The following SNTA1 variants were observed in gnomAD, a reference collection of about 807,000 sequenced individuals.
SNTA1 encodes the protein alpha-1-syntrophin.
Under a neutral mutation model 47.1 loss-of-function variants are expected in SNTA1, and 31 were observed. The observed-to-expected ratio is 0.66, with a 90% CI of 0.49 to 0.89. The LOEUF (loss-of-function observed/expected upper bound fraction) is 0.89, where lower values mean the gene tolerates loss of function less well. Ranked by LOEUF, SNTA1 falls within the 40% of genes least tolerant of loss-of-function variation. The pLI, the probability that SNTA1 is intolerant of heterozygous loss-of-function variation, is 0.00. For synonymous variants in SNTA1, 300 were observed against 313.6 expected, an observed-to-expected ratio of 0.96 and a Z score of 0.46; for missense variants, 575 against 693.0, an observed-to-expected ratio of 0.83 and a Z score of 1.91.
At position 33,412,798 on chromosome 20, in the gene SNTA1, G is replaced by T. The variant is rs1474994197; in HGVS notation, c.702-16C>A. On this transcript the variant is annotated splice_polypyrimidine_tract_variant and intron_variant, in intron 3 of 7. Transcript: ENST00000217381. ...CTCCAGATACCTGCAGGCACAAATG[G>T]GTGGAGACAAGGACCTGACCATTAG... 2.5e-6 allele frequency: 4 copies of T among 1,577,926 alleles called. No homozygotes were observed. The highest frequency in any genetic ancestry group is 3.5e-6 in the Non-Finnish European group (4 of 1,157,396).
Position 33,439,144 on chromosome 20 carries a change from G to A in SNTA1, c.311-118C>T, listed in dbSNP as rs554504263. The stretch of plus-strand genomic sequence containing the variant: ...GGTGCCTAGCCCAGTGCTGGAAAAG[G>A]CAATGGGAGAATAAAGGGAATCTGA... On this transcript the variant is annotated intron_variant, in intron 1 of 7. Transcript: ENST00000217381. The A allele has an allele frequency of 3.5e-5, 32 of 905,444 alleles. No homozygotes were observed. In the African/African-American group the frequency reaches 4.7e-4, roughly 13 times the overall value. The allele number at this position is 905,444 out of a possible 1,614,324, so 56.1% of individuals were successfully genotyped here.
intron 2 of SNTA1, among the ~76,000 whole-genome samples, chr20:33,429,364 A>T (rs995074981): frequency 4.8e-5 from 7 of 145,928 alleles, no homozygotes; most frequent in African/African-American, 1.8e-4. Context: ...AAAAAAAAAA[A>T]AATTGGGTCA....
At chr20:33,409,641 AT>A (rs553264334) in intron 6 of SNTA1, among the ~76,000 whole-genome samples, 138 of 141,254 alleles carry the variant, frequency 9.8e-4, no homozygotes, top group Admixed American at 1.8e-3. Context: ...TTGTATTATT[AT>A]TTTTTTTTTT....
Position 33,417,835 on chromosome 20 carries a change from A to C in SNTA1, c.585T>G (p.Leu195=), listed in dbSNP as rs763954259. ...VGWDSPPASP[L]QRQPSSPGPT... The stretch of plus-strand genomic sequence containing the variant: ...GGCCAGGGGAGGAAGGCTGCCGCTG[A>C]AGGGGTGAGGCAGGAGGTGAGTCCC... Residue 195 remains leucine, a synonymous_variant, in exon 3 of 8, where the codon CTT becomes CTG. Coordinates refer to ENST00000217381, the MANE Select transcript of SNTA1 (RefSeq NM_003098.3). The C allele has an allele frequency of 1.9e-6, 3 of 1,613,932 alleles. No individual in the cohort carries two copies. Among genetic ancestry groups the C allele is most frequent in the South Asian group, 1.1e-5 (1 of 91,074 alleles).
Position 33,429,334 on chromosome 20 carries a change from T to TAA in SNTA1, c.496+9505_496+9506dup, listed in dbSNP as rs35077145. Among the ~76,000 whole-genome samples the TAA allele has an allele frequency of 5.0e-3, 126 of 25,112 alleles. 2 individuals carry two copies. Among genetic ancestry groups the TAA allele is most frequent in the East Asian group, 0.026 (21 of 822 alleles). The allele number at this position is 25,112 out of a possible 152,430, so 16.5% of individuals were successfully genotyped here. On this transcript the variant is annotated intron_variant, in intron 2 of 7. Transcript: ENST00000217381. ...CTGGGTAACACAGTAAGACTCCACC[T>TAA]AAAAAAAAAAAAAAAAAAAAAAAAA...
chr20:33,438,371 C>A (rs1021528499), intron 2 of SNTA1, among the ~76,000 whole-genome samples: 13 of 152,176 alleles, frequency 8.5e-5, no homozygotes, highest in Admixed American at 5.2e-4. Context: ...TTTTAAGGCC[C>A]AGGCACTAAA....
chr20:33,412,125 C>T (rs1989753506), intron 5 of SNTA1, among the ~76,000 whole-genome samples, 171 bp downstream of exon 5: 1 of 152,226 alleles, frequency 6.6e-6, no homozygotes, highest in African/African-American at 2.4e-5. Flanking sequence ...TTGTTCCAAG[C>T]ACCCATTTTA....
In SNTA1 at chr20:33,415,071, T is replaced by A. The variant is rs565168945; in HGVS notation, c.702-2289A>T. Among the ~76,000 whole-genome samples, 40 of 152,288 alleles carry A rather than the reference T, an allele frequency of 2.6e-4. No individual in the cohort carries two copies. In the South Asian group the frequency reaches 4.8e-3, roughly 18 times the overall value. ...GGGCCATATGGAACCCCAGTTATAT[T>A]GAGGTTACCTATGTAGGTACTCAGG... On this transcript the variant is annotated intron_variant, in intron 3 of 7. Transcript: ENST00000217381.
chr20:33,443,262 G>C (rs1316392182), intron 1 of SNTA1, 49 bp downstream of exon 1: 4 of 1,417,962 alleles, frequency 2.8e-6, no homozygotes, highest in Non-Finnish European at 3.7e-6. Context: ...CTGCGCCCTC[G>C]GCTGCCCCCA....
chr20:33,434,142 G>C (rs562755359), intron 2 of SNTA1, among the ~76,000 whole-genome samples: 1 of 152,070 alleles, frequency 6.6e-6, no homozygotes, highest in Non-Finnish European at 1.5e-5. Context: ...ATTCAACTCC[G>C]GGGAAACCTA....
At chr20:33,427,452 T>C (rs568222761) in intron 2 of SNTA1, among the ~76,000 whole-genome samples, 34 of 152,254 alleles carry the variant, frequency 2.2e-4, no homozygotes, top group Non-Finnish European at 3.7e-4. Flanking sequence ...GGGATGACCT[T>C]TAAGGTCTTG....
chr20:33,414,255 A>AAAAAAAAAAAAAAAAAAAAAAAG (rs1989819238), intron 3 of SNTA1, among the ~76,000 whole-genome samples: 1 of 137,240 alleles, frequency 7.3e-6, no homozygotes, highest in African/African-American at 2.9e-5. Context: ...CAAAAAAAAA[A>AAAAAAAAAAAAAAAAAAAAAAAG]AAAAAAAAAA....
intron 2 of SNTA1, among the ~76,000 whole-genome samples, chr20:33,422,822 G>A (rs2146781944): frequency 6.6e-6 from 1 of 152,246 alleles, no homozygotes; most frequent in East Asian, 1.9e-4. Flanking sequence ...GAATGCCAGG[G>A]CAGGACAGGC....
At chr20:33,419,855 T>G (rs907812680) in intron 2 of SNTA1, among the ~76,000 whole-genome samples, 1 of 152,158 alleles carries the variant, frequency 6.6e-6, no homozygotes, top group Non-Finnish European at 1.5e-5. Flanking sequence ...CTGCCTTCCT[T>G]TTCTCCTCCT....
At chr20:33,419,196 C>T (rs575653337) in intron 2 of SNTA1, among the ~76,000 whole-genome samples, 14 of 152,292 alleles carry the variant, frequency 9.2e-5, no homozygotes, top group South Asian at 2.1e-4. Context: ...CCTGCTAGCC[C>T]GTGGGCAGCC....
chr20:33,409,466 C>CT lies in SNTA1; in HGVS notation c.1238-579dup, dbSNP rs368304914. Among the ~76,000 whole-genome samples the CT allele has an allele frequency of 5.7e-3, 836 of 147,516 alleles. 10 individuals carry two copies. The highest frequency in any genetic ancestry group is 0.019 in the African/African-American group (770 of 40,298). ...AAACAGAGGGCCCAAACCCAACTTC[C>CT]TTTTTTTTTTGGAGAAACAGTCTCA... On this transcript the variant is annotated intron_variant, in intron 6 of 7. Transcript: ENST00000217381.
intron 5 of SNTA1, among the ~76,000 whole-genome samples, chr20:33,411,511 A>G (rs1210320455): frequency 1.3e-5 from 2 of 151,762 alleles, no homozygotes; most frequent in Non-Finnish European, 2.9e-5. Flanking sequence ...CCCAGCCACC[A>G]TCATCTCTCC....
At chr20:33,430,944 G>C (rs948354325) in intron 2 of SNTA1, among the ~76,000 whole-genome samples, 1 of 148,854 alleles carries the variant, frequency 6.7e-6, no homozygotes, top group African/African-American at 2.5e-5. Flanking sequence ...GCGAGACTCC[G>C]TCTCAAAAAA....
intron 5 of SNTA1, 62 bp downstream of exon 5, chr20:33,412,234 G>T (rs1194023765): frequency 9.0e-6 from 14 of 1,558,256 alleles, no homozygotes; most frequent in Non-Finnish European, 1.0e-5. Flanking sequence ...AGCTTCTGGG[G>T]CCCTGCTGGA....
Sources: allele counts gnomAD v4.1 joint callset (sites outside exome capture counted in the v4.1 genomes callset), GRCh38; gene constraint gnomAD v4.1.1; transcripts MANE v1.5; gene names NCBI Gene and HGNC (gene_info 2026-07-23, HGNC 2026-07-21).